FCRL1: variants seen among roughly 807,000 people sequenced by gnomAD.
The protein encoded by FCRL1 is Fc receptor-like protein 1.
Under a neutral mutation model 49.2 loss-of-function variants are expected in FCRL1, and 34 were observed. That is an observed-to-expected ratio of 0.69 (90% CI 0.53 to 0.92). The LOEUF (loss-of-function observed/expected upper bound fraction) is 0.92, where lower values mean the gene tolerates loss of function less well. Ranked by LOEUF, FCRL1 falls within the 40% of genes least tolerant of loss-of-function variation. FCRL1 has a pLI of 0.00. For missense variants in FCRL1, 524 were observed against 524.1 expected (o/e 1.00, Z 0.00); for synonymous variants, 218 against 201.6 (o/e 1.08, Z -0.69).
chr1:157,800,126 C>A (rs776482152), intron 6 of FCRL1, 41 bp from the exon 7 acceptor site: 2 of 1,604,836 alleles, frequency 1.2e-6, no homozygotes, highest in South Asian at 1.1e-5. Flanking sequence ...AATGGAAGAA[C>A]CCTCACTGTC....
chr1:157,801,934 C>T lies in FCRL1; in HGVS notation c.867G>A (p.Ala289=), dbSNP rs763016240. 32 of 1,613,436 alleles carry T rather than the reference C, an allele frequency of 2.0e-5. No individual in the cohort carries two copies. Among genetic ancestry groups the T allele is most frequent in the Admixed American group, 6.7e-5 (4 of 59,970 alleles). ...CTATACCTGTGAAGTTGAGTGTCACCGCCTCACTGCGCTGGGCCCCCAGGC... is the reference window on the plus strand; with the variant it reads ...CTATACCTGTGAAGTTGAGTGTCACTGCCTCACTGCGCTGGGCCCCCAGGC... ...NNGLGAQRSE[A]VTLNFTVPTG... is the part of the protein sequence containing the mutation. Residue 289 remains alanine (A), a synonymous_variant, in exon 5 of 11, where the codon GCG becomes GCA. Coordinates refer to ENST00000368176, the MANE Select transcript of FCRL1 (RefSeq NM_052938.5).
Position 157,797,150 on chromosome 1 carries a change from GT to G in FCRL1, c.1187-19del, listed in dbSNP as rs1274766860. ...GGTTTCTGCTGTGGAGAAAAGACAA[GT>G]GCTGTGACATTCCACTTATATTTAA... On this transcript the variant is annotated intron_variant, in intron 9 of 10. Coordinates refer to ENST00000368176, the MANE Select transcript of FCRL1 (RefSeq NM_052938.5). 6.2e-7 allele frequency: 1 copy of G among 1,613,118 alleles called. No homozygotes were observed.
chr1:157,800,041 G>A lies in FCRL1; in HGVS notation c.1031+17C>T, dbSNP rs373885407. On this transcript the variant is annotated intron_variant, in intron 7 of 10. Coordinates refer to ENST00000368176, the MANE Select transcript of FCRL1 (RefSeq NM_052938.5). ...TTTTTCTGCATTATTGACACCTATA[G>A]TGAAAACAGGCCTCACCTGAGTGGA... 3 of 1,610,588 alleles carry A rather than the reference G, an allele frequency of 1.9e-6. No homozygotes were observed. The African/African-American group carries it at 4.0e-5, about 22-fold the overall frequency.
intron 8 of FCRL1, 72 bp downstream of exon 8, chr1:157,798,089 C>A: frequency 6.5e-7 from 1 of 1,536,070 alleles, no homozygotes. Context: ...GTTTGGCTAG[C>A]AGATGTTATC....
intron 8 of FCRL1, 44 bp from the exon 9 acceptor site, chr1:157,797,983 C>T (rs1651805557): frequency 6.3e-7 from 1 of 1,596,544 alleles, no homozygotes; most frequent in East Asian, 2.2e-5. Context: ...CCCCTGATTC[C>T]TGTCTTTCAA....
At chr1:157,815,021 A>G (rs79021832) in intron 1 of FCRL1, among the ~76,000 whole-genome samples, 3 of 151,976 alleles carry the variant, frequency 2.0e-5, no homozygotes, top group Non-Finnish European at 2.9e-5. Flanking sequence ...GGACTTTAAT[A>G]CTCCACTTTC....
chr1:157,815,545 A>T (rs1257054870), intron 1 of FCRL1, among the ~76,000 whole-genome samples: 1 of 151,882 alleles, frequency 6.6e-6, no homozygotes, highest in African/African-American at 2.4e-5. Context: ...CACCTCAAGG[A>T]ACTAGAAAAA....
chr1:157,807,525 G>T (rs918258713), intron 1 of FCRL1, among the ~76,000 whole-genome samples: 1 of 151,944 alleles, frequency 6.6e-6, no homozygotes, highest in African/African-American at 2.4e-5. Flanking sequence ...CATTCCCACC[G>T]CCTCCTTTCA....
chr1:157,805,252 C>G (rs1004290134), intron 2 of FCRL1, among the ~76,000 whole-genome samples: 1 of 152,120 alleles, frequency 6.6e-6, no homozygotes, highest in African/African-American at 2.4e-5. Context: ...GTCACAACCC[C>G]TAATAGCTAT....
At chr1:157,802,261 C>G in intron 4 of FCRL1, 68 bp from the exon 5 acceptor site, 4 of 1,575,946 alleles carry the variant, frequency 2.5e-6, no homozygotes, top group Non-Finnish European at 3.5e-6. Context: ...CCCTGCCCAC[C>G]GATGCTCAGC....
At chr1:157,815,447 G>T (rs1192631173) in intron 1 of FCRL1, among the ~76,000 whole-genome samples, 2 of 151,812 alleles carry the variant, frequency 1.3e-5, no homozygotes, top group Non-Finnish European at 3.0e-5. Flanking sequence ...GTGAAATATA[G>T]CAAAAGCAAT....
At chr1:157,818,663 A>G (rs995216551) in intron 1 of FCRL1, among the ~76,000 whole-genome samples, 2 of 152,092 alleles carry the variant, frequency 1.3e-5, no homozygotes, top group South Asian at 4.2e-4. Context: ...GAGGCGTTGG[A>G]AAAAAAATTG....
intron 2 of FCRL1, among the ~76,000 whole-genome samples, chr1:157,806,423 G>A (rs1653453472): frequency 6.6e-6 from 1 of 152,164 alleles, no homozygotes; most frequent in Non-Finnish European, 1.5e-5. Flanking sequence ...TTATCATTGA[G>A]CTTGATCTAG....
At chr1:157,818,657 C>T (rs1571430076) in intron 1 of FCRL1, among the ~76,000 whole-genome samples, 1 of 151,602 alleles carries the variant, frequency 6.6e-6, no homozygotes, top group East Asian at 1.9e-4. Flanking sequence ...ATAGGTGAGG[C>T]GTTGGAAAAA....
At chr1:157,799,282 G>C (rs951687209) in intron 7 of FCRL1, among the ~76,000 whole-genome samples, 4 of 152,134 alleles carry the variant, frequency 2.6e-5, no homozygotes, top group Admixed American at 2.6e-4. Context: ...TTACAGGTGC[G>C]AGCCACTGTG....
rs551206337 is a variant in FCRL1, at chr1:157,798,207, G to A, written c.1068C>T (p.Tyr356=). The A allele has an allele frequency of 1.2e-6, 2 of 1,613,298 alleles. No homozygotes were observed. The highest frequency in any genetic ancestry group is 1.7e-6 in the Non-Finnish European group (2 of 1,179,654). ...GCTGCCCTGGGGTAGGTGAGTTGAGGTAGGTGAACTCTTGGGGTAGAGGGC... is the reference window on the plus strand; with the variant it reads ...GCTGCCCTGGGGTAGGTGAGTTGAGATAGGTGAACTCTTGGGGTAGAGGGC... The part of the protein sequence containing the change: ...LPSPLPQEFT[Y]LNSPTPGQLQ... The change falls in exon 8 of 11, where the codon TAC becomes TAT. Residue 356 remains tyrosine (Y), a synonymous_variant. Transcript: ENST00000368176.
Position 157,820,050 on chromosome 1 carries a change from A to T in FCRL1, c.-13T>A, listed in dbSNP as rs373825889. The T allele has an allele frequency of 3.7e-6, 6 of 1,614,076 alleles. No homozygotes were observed. In the African/African-American group the frequency reaches 8.0e-5, roughly 22 times the overall value. ...GCCTCGGCAGCATGAGGACCAGGTC[A>T]GGGATGGTACCTAGAGATGCCTCTC... On this transcript the variant is annotated 5_prime_UTR_variant, in exon 1 of 11. An upstream open reading frame in the 5' UTR loses its in-frame stop. Coordinates refer to ENST00000368176, the MANE Select transcript of FCRL1 (RefSeq NM_052938.5).
intron 4 of FCRL1, 72 bp downstream of exon 4, chr1:157,802,305 C>T: frequency 6.3e-7 from 1 of 1,582,826 alleles, no homozygotes; most frequent in Admixed American, 1.7e-5. Flanking sequence ...CCCAGGGAAA[C>T]TTTGTGTGCC....
intron 1 of FCRL1, among the ~76,000 whole-genome samples, chr1:157,812,402 C>T (rs1425624943): frequency 1.3e-5 from 2 of 152,182 alleles, no homozygotes; most frequent in East Asian, 3.9e-4. Context: ...TACTGTGTCC[C>T]ACCACTCCAG....
Sources: allele counts gnomAD v4.1 joint callset (sites outside exome capture counted in the v4.1 genomes callset), GRCh38; gene constraint gnomAD v4.1.1; transcripts MANE v1.5; gene names NCBI Gene and HGNC (gene_info 2026-07-23, HGNC 2026-07-21).